Variants in ZNF804A observed in about 807,000 individuals in gnomAD.
The protein encoded by ZNF804A is zinc finger protein 804A.
Under a neutral mutation model 16.5 loss-of-function variants are expected in ZNF804A, and 2 were observed. That is an observed-to-expected ratio of 0.12 (90% confidence interval 0.05 to 0.38). The LOEUF (loss-of-function observed/expected upper bound fraction) is 0.38, where lower values mean the gene tolerates loss of function less well. Ranked by LOEUF, ZNF804A falls within the 10% of genes least tolerant of loss-of-function variation. The pLI is 0.99. For synonymous variants in ZNF804A, 534 were observed against 489.6 expected (o/e 1.09, Z -1.20); for missense variants, 1,473 against 1,390.7 (o/e 1.06, Z -0.94).
At chr2:184,643,860 G>T (rs888623952) in intron 1 of ZNF804A, among the ~76,000 whole-genome samples, 2 of 151,436 alleles carry the variant, frequency 1.3e-5, no homozygotes, top group Non-Finnish European at 3.0e-5. Flanking sequence ...AAACCGAACA[G>T]AACCTGACAA....
chr2:184,697,938 G>A (rs1051213474), intron 1 of ZNF804A, among the ~76,000 whole-genome samples: 2 of 151,946 alleles, frequency 1.3e-5, no homozygotes, highest in Admixed American at 6.6e-5. Context: ...TGAATCCCCT[G>A]CTCCCACTTG....
chr2:184,804,754 C>T (rs1694777846), intron 1 of ZNF804A, among the ~76,000 whole-genome samples: 1 of 152,134 alleles, frequency 6.6e-6, no homozygotes, highest in Non-Finnish European at 1.5e-5. Context: ...AAATACAACT[C>T]AGAAAATCTA....
chr2:184,864,725 C>T (rs1205939984), intron 1 of ZNF804A, among the ~76,000 whole-genome samples: 2 of 152,054 alleles, frequency 1.3e-5, no homozygotes, highest in Non-Finnish European at 2.9e-5. Flanking sequence ...AAACAAATTG[C>T]TTTAATTTCA....
chr2:184,726,593 T>C (rs913040420), intron 1 of ZNF804A, among the ~76,000 whole-genome samples: 7 of 151,508 alleles, frequency 4.6e-5, no homozygotes, highest in African/African-American at 1.7e-4. Context: ...AGAAAATAAA[T>C]AATTACATAA....
intron 1 of ZNF804A, among the ~76,000 whole-genome samples, chr2:184,833,832 C>T (rs1695303521): frequency 6.6e-6 from 1 of 151,944 alleles, no homozygotes; most frequent in South Asian, 2.1e-4. Flanking sequence ...TGTGTACCTA[C>T]ATAACAAAAC....
chr2:184,915,517 T>C (rs1685434426), intron 2 of ZNF804A, among the ~76,000 whole-genome samples: 1 of 152,138 alleles, frequency 6.6e-6, no homozygotes, highest in Non-Finnish European at 1.5e-5. Flanking sequence ...GAAAGCCTCC[T>C]ATTCTATTAA....
intron 1 of ZNF804A, among the ~76,000 whole-genome samples, chr2:184,779,698 C>T (rs908908706): frequency 1.1e-4 from 17 of 151,722 alleles, no homozygotes; most frequent in African/African-American, 3.1e-4. Flanking sequence ...AGCCATGAAA[C>T]GGGGCTGGCC....
intron 1 of ZNF804A, among the ~76,000 whole-genome samples, chr2:184,665,278 T>C (rs545163357): frequency 6.6e-6 from 1 of 152,324 alleles, no homozygotes; most frequent in East Asian, 1.9e-4. Flanking sequence ...TTTTATGTGA[T>C]ATTTTGTGAT....
At chr2:184,934,909 CA>C (rs1448666110) in intron 3 of ZNF804A, among the ~76,000 whole-genome samples, 10 of 151,982 alleles carry the variant, frequency 6.6e-5, no homozygotes, top group Non-Finnish European at 1.3e-4. Context: ...CTAAATGAAG[CA>C]ATACATTGTG....
intron 1 of ZNF804A, among the ~76,000 whole-genome samples, chr2:184,669,169 T>C (rs1307209329): frequency 6.6e-6 from 1 of 152,000 alleles, no homozygotes; most frequent in Non-Finnish European, 1.5e-5. Context: ...GTAAAAAACA[T>C]GGCAGAGTCT....
At chr2:184,897,749 T>A (rs1416981769) in intron 2 of ZNF804A, among the ~76,000 whole-genome samples, 1 of 152,154 alleles carries the variant, frequency 6.6e-6, no homozygotes, top group African/African-American at 2.4e-5. Flanking sequence ...CATTAGGAAC[T>A]CTTTCCATTG....
At chr2:184,627,709 A>G (rs768457828) in intron 1 of ZNF804A, among the ~76,000 whole-genome samples, 41 of 152,244 alleles carry the variant, frequency 2.7e-4, no homozygotes, top group Non-Finnish European at 4.6e-4. Flanking sequence ...AAAATTTGCC[A>G]TGATTATTAA....
At chr2:184,697,038 A>G (rs534961280) in intron 1 of ZNF804A, among the ~76,000 whole-genome samples, 4 of 152,092 alleles carry the variant, frequency 2.6e-5, no homozygotes, top group Non-Finnish European at 4.4e-5. Context: ...AGTATAAATG[A>G]CATTGATATA....
chr2:184,627,167 T>C (rs1691518900), intron 1 of ZNF804A, among the ~76,000 whole-genome samples: 1 of 152,174 alleles, frequency 6.6e-6, no homozygotes, highest in African/African-American at 2.4e-5. Context: ...GGAAATTCAT[T>C]AATTATGGTC....
chr2:184,693,319 C>T (rs538770738), intron 1 of ZNF804A, among the ~76,000 whole-genome samples: 3 of 152,090 alleles, frequency 2.0e-5, no homozygotes, highest in African/African-American at 2.4e-5. Context: ...ATATGGCATA[C>T]ACCTCATTTT....
chr2:184,646,275 A>G (rs943790374), intron 1 of ZNF804A, among the ~76,000 whole-genome samples: 2 of 152,164 alleles, frequency 1.3e-5, no homozygotes. Context: ...GGCCTGTTGT[A>G]AGCCTGGGGC....
At chr2:184,849,469 T>C (rs1695570031) in intron 1 of ZNF804A, among the ~76,000 whole-genome samples, 1 of 151,906 alleles carries the variant, frequency 6.6e-6, no homozygotes, top group African/African-American at 2.4e-5. Context: ...AGGCTGCTAG[T>C]ATTATATGAA....
chr2:184,931,961 C>A (rs983899445), intron 2 of ZNF804A, among the ~76,000 whole-genome samples: 3 of 152,130 alleles, frequency 2.0e-5, no homozygotes, highest in Non-Finnish European at 4.4e-5. Context: ...AGGGCAGGGG[C>A]AAAATGTCAT....
At chr2:184,624,695 AC>A (rs1020188103) in intron 1 of ZNF804A, among the ~76,000 whole-genome samples, 4 of 152,158 alleles carry the variant, frequency 2.6e-5, no homozygotes, top group Non-Finnish European at 4.4e-5. Flanking sequence ...GGTCAACTAT[AC>A]CTTTTTCTGA....
Sources: gnomAD v4.1 joint callset for allele counts (sites outside exome capture counted in the v4.1 genomes callset) on GRCh38, gnomAD v4.1.1 for gene constraint, MANE v1.5 for transcripts, NCBI Gene and HGNC (gene_info 2026-07-23, HGNC 2026-07-21) for gene names.